Variants in IFI27 observed in about 807,000 individuals in gnomAD.
The protein encoded by IFI27 is interferon alpha inducible protein 27.
Under a neutral mutation model 8.9 loss-of-function variants are expected in IFI27, and 3 were observed. The observed-to-expected ratio is 0.34, with a 90% confidence interval of 0.15 to 0.87. The LOEUF is 0.87. Ranked by LOEUF, IFI27 falls within the 40% of genes least tolerant of loss-of-function variation. The pLI is 0.51. For missense variants in IFI27, 152 were observed against 157.7 expected, an observed-to-expected ratio of 0.96 and a Z score of 0.19; for synonymous variants, 66 against 67.3, an observed-to-expected ratio of 0.98 and a Z score of 0.09.
chr14:94,111,828 C>A lies in IFI27; in HGVS notation c.91+55C>A. On this transcript the variant is annotated intron_variant, in intron 2 of 4. Coordinates refer to ENST00000621160, the Ensembl canonical transcript of IFI27. This position sits in a 1 kb window ranked among gnomAD's most constrained non-coding sequence, Gnocchi z 4.3. ...GGGGCGAGGAGGCGGCTGGGAAGGG[C>A]GGGGGTCCTGTCCCGGGACCCGTGG... 2 of 1,335,532 alleles carry A rather than the reference C, an allele frequency of 1.5e-6. No individual in the cohort carries two copies. The highest frequency in any genetic ancestry group is 1.2e-5 in the South Asian group (1 of 85,524). The allele number at this position is 1,335,532 out of a possible 1,614,324, so 82.7% of individuals were successfully genotyped here. A position where few individuals can be genotyped will look rare whatever the true frequency, so the allele number is the denominator to read the frequency against.
rs1010164822 is a variant in IFI27 at position 94,111,598 on chromosome 14, G to T, written c.-58-27G>T. On this transcript the variant is annotated intron_variant, in intron 1 of 4. Transcript: ENST00000621160. This position sits in a 1 kb window ranked among gnomAD's most constrained non-coding sequence, Gnocchi z 4.3. Reference sequence around the variant, plus strand: ...GCAAGTCAGGTTGTGTGCCCATCCCGTCCTCAGAGCTCCATCCCTTCGGCA... The same window carrying T: ...GCAAGTCAGGTTGTGTGCCCATCCCTTCCTCAGAGCTCCATCCCTTCGGCA... 8.9e-7 allele frequency: 1 copy of T among 1,120,202 alleles called. No homozygotes were observed. Among genetic ancestry groups the T allele is most frequent in the Admixed American group, 1.8e-5 (1 of 56,834 alleles). 69.4% of individuals were successfully genotyped at this position (1,120,202 alleles called of 1,614,324 possible). A position where few individuals can be genotyped will look rare whatever the true frequency, so the allele number is the denominator to read the frequency against.
Position 94,116,589 on chromosome 14 carries a change from C to T in IFI27, c.*62C>T, listed in dbSNP as rs2799. 3.0e-6 allele frequency: 4 copies of T among 1,341,258 alleles called. No homozygotes were observed. In the Admixed American group the frequency reaches 5.7e-5, roughly 19 times the overall value. The allele number at this position is 1,341,258 out of a possible 1,614,324, so 83.1% of individuals were successfully genotyped here. On this transcript the variant is annotated 3_prime_UTR_variant, in exon 5 of 5. Coordinates refer to ENST00000621160, the Ensembl canonical transcript of IFI27. This position sits in a 1 kb window ranked among gnomAD's most constrained non-coding sequence, Gnocchi z 4.3. ...CCAGGGGAGAAGGCACCCAGCCATCCTGACCCAGCGAGGAGCCAACTATCC... is the reference window on the plus strand; with the variant it reads ...CCAGGGGAGAAGGCACCCAGCCATCTTGACCCAGCGAGGAGCCAACTATCC...
upstream of IFI27, among the ~76,000 whole-genome samples, chr14:94,107,748 G>A (rs8010922): frequency 4.6e-5 from 7 of 151,728 alleles, no homozygotes; most frequent in Non-Finnish European, 8.8e-5. Flanking sequence ...AGTATTCTAC[G>A]GTAATGATCC....
chr14:94,109,816 G>A (rs914982969), upstream of IFI27, among the ~76,000 whole-genome samples: 1 of 151,940 alleles, frequency 6.6e-6, no homozygotes, highest in Non-Finnish European at 1.5e-5. Context: ...CACTACTCAT[G>A]TGGAAGATTT....
chr14:94,106,882 T>C (rs1887021347), upstream of IFI27, among the ~76,000 whole-genome samples: 1 of 148,570 alleles, frequency 6.7e-6, no homozygotes, highest in African/African-American at 2.5e-5. Context: ...AGCTAACTCA[T>C]TACTGTGAGG....
chr14:94,112,066 C>T (rs1215530944), intron 2 of IFI27: 2 of 508,552 alleles, frequency 3.9e-6, no homozygotes, highest in African/African-American at 1.9e-5. Flanking sequence ...GTCCCACTCT[C>T]TTCAGCTCTC....
At chr14:94,109,404 G>GGGAAAGGAAAGGAAAGGAAA (rs61520979), upstream of IFI27, among the ~76,000 whole-genome samples, 24 of 146,154 alleles carry the variant, frequency 1.6e-4, no homozygotes, top group African/African-American at 3.1e-4. Context: ...GCAAGGGCAA[G>GGGAAAGGAAAGGAAAGGAAA]GGAAAGGAAA....
chr14:94,110,516 G>T (rs114607965), upstream of IFI27, among the ~76,000 whole-genome samples: 2,191 of 152,282 alleles, frequency 0.014, 60 homozygotes, highest in African/African-American at 0.05. Context: ...TGAATTAAAT[G>T]ACAAAGCATT....
At chr14:94,112,065 T>C (rs959227085) in intron 2 of IFI27, 8 of 508,628 alleles carry the variant, frequency 1.6e-5, no homozygotes, top group Non-Finnish European at 2.1e-5. Flanking sequence ...AGTCCCACTC[T>C]CTTCAGCTCT....
At chr14:94,107,925 T>G (rs1465942452), upstream of IFI27, among the ~76,000 whole-genome samples, 1 of 152,198 alleles carries the variant, frequency 6.6e-6, no homozygotes, top group African/African-American at 2.4e-5. Flanking sequence ...TGTGCTACGT[T>G]GGTTTGCTGC....
rs1214783225 is a variant in IFI27 at position 94,116,091 on chromosome 14, T to C, written c.283+149T>C. Reference sequence around the variant, plus strand: ...TCTCTCAGGGTTTCTCTGAGGGAGATGGAGGAGGGAGGGAAGGAGCCCAAG... The same window carrying C: ...TCTCTCAGGGTTTCTCTGAGGGAGACGGAGGAGGGAGGGAAGGAGCCCAAG... On this transcript the variant is annotated intron_variant, in intron 4 of 4. Transcript: ENST00000621160. This position sits in a 1 kb window ranked among gnomAD's most constrained non-coding sequence, Gnocchi z 4.3. The C allele has an allele frequency of 1.0e-6, 1 of 954,942 alleles. No individual in the cohort carries two copies. Among genetic ancestry groups the C allele is most frequent in the East Asian group, 2.6e-5 (1 of 38,334 alleles). 59.2% of individuals were successfully genotyped at this position (954,942 alleles called of 1,614,324 possible).
chr14:94,110,038 C>T (rs1887111213), upstream of IFI27, among the ~76,000 whole-genome samples: 1 of 152,164 alleles, frequency 6.6e-6, no homozygotes, highest in African/African-American at 2.4e-5. Flanking sequence ...ACTCTGAGTT[C>T]ACCTCCTGCC....
Position 94,116,456 on chromosome 14 carries a change from T to C in IFI27, c.298T>C (p.Ser100Pro). The change falls in exon 5 of 5, where the codon TCC becomes CCC. Residue 100 changes from serine (S) to proline (P), a missense_variant. By Grantham distance (74) the Ser-to-Pro change is moderately conservative. Transcript: ENST00000621160. The surrounding 1 kb of genome is among the most constrained non-coding windows in gnomAD (Gnocchi z 4.3). ...CTTCTTCCCAGGAGCAACTGGACTC[T>C]CCGGATTGACCAAGTTCATCCTGGG... is the stretch of plus-strand genomic sequence containing the variant. 6.2e-7 allele frequency: 1 copy of C among 1,612,732 alleles called. No homozygotes were observed. Among genetic ancestry groups the C allele is most frequent in the Non-Finnish European group, 8.5e-7 (1 of 1,179,402 alleles).
chr14:94,116,207 C>T lies in IFI27; in HGVS notation c.284-235C>T. On this transcript the variant is annotated intron_variant, in intron 4 of 4. Transcript: ENST00000621160. The surrounding 1 kb of genome is among the most constrained non-coding windows in gnomAD (Gnocchi z 4.3). ...CTCCCCTCTGGGGTGCAGCCTCCTT[C>T]CCTGAAGAGCGAGGCTGCTTCTAGC... 4.4e-6 allele frequency: 3 copies of T among 675,254 alleles called. No homozygotes were observed. The highest frequency in any genetic ancestry group is 8.0e-6 in the Non-Finnish European group (3 of 372,754). The allele number at this position is 675,254 out of a possible 1,614,324, so 41.8% of individuals were successfully genotyped here. A position where few individuals can be genotyped will look rare whatever the true frequency, so the allele number is the denominator to read the frequency against.
upstream of IFI27, among the ~76,000 whole-genome samples, chr14:94,106,643 C>T (rs1337209980): frequency 6.6e-6 from 1 of 152,122 alleles, no homozygotes; most frequent in African/African-American, 2.4e-5. Flanking sequence ...TAAAGGCATA[C>T]CTGAGACTGG....
At position 94,114,660 on chromosome 14, in the gene IFI27, C is replaced by G. The variant is rs192104619; in HGVS notation, c.92-191C>G. The stretch of plus-strand genomic sequence containing the variant: ...AGGACAAGCACTGAGGTCAAACTCC[C>G]CAGTGATCCTCACCCTCCTCCAGAA... On this transcript the variant is annotated intron_variant, in intron 2 of 4. Coordinates refer to ENST00000621160, the Ensembl canonical transcript of IFI27. The G allele has an allele frequency of 4.0e-4, 248 of 622,260 alleles. 3 individuals are homozygous for G. In the East Asian group the frequency reaches 6.5e-3, roughly 16 times the overall value. The allele number at this position is 622,260 out of a possible 1,614,324, so 38.5% of individuals were successfully genotyped here. A position where few individuals can be genotyped will look rare whatever the true frequency, so the allele number is the denominator to read the frequency against.
upstream of IFI27, among the ~76,000 whole-genome samples, chr14:94,109,404 G>GGAAA (rs1555440638): frequency 6.8e-6 from 1 of 146,152 alleles, no homozygotes; most frequent in African/African-American, 2.6e-5. Context: ...GCAAGGGCAA[G>GGAAA]GGAAAGGAAA....
upstream of IFI27, among the ~76,000 whole-genome samples, chr14:94,107,895 G>A (rs1392599157): frequency 6.6e-6 from 1 of 152,050 alleles, no homozygotes; most frequent in African/African-American, 2.4e-5. Flanking sequence ...CAACGTGCAG[G>A]TTTGTTACAT....
chr14:94,107,744 C>T (rs1396517430), upstream of IFI27, among the ~76,000 whole-genome samples: 1 of 151,926 alleles, frequency 6.6e-6, no homozygotes, highest in African/African-American at 2.4e-5. Flanking sequence ...GCTTAGTATT[C>T]TACGGTAATG....
Sources: gnomAD v4.1 joint callset for allele counts (sites outside exome capture counted in the v4.1 genomes callset) on GRCh38, gnomAD v4.1.1 for gene constraint, Gnocchi (gnomAD v3.1) non-coding constraint, MANE v1.5 for transcripts, NCBI Gene and HGNC (gene_info 2026-07-23, HGNC 2026-07-21) for gene names.